The following SCAPER variants were observed in gnomAD, a reference collection of about 807,000 sequenced individuals.
SCAPER encodes the protein S phase cyclin A-associated protein in the endoplasmic reticulum.
SCAPER carries 98 observed loss-of-function variants against 182.2 expected under a neutral mutation model. That is an observed-to-expected ratio of 0.54 (90% CI 0.46 to 0.64). SCAPER has a LOEUF of 0.64. SCAPER is among the 30% of genes least tolerant of loss of function. The pLI is 0.00. For synonymous variants in SCAPER, 605 were observed against 564.6 expected, an observed-to-expected ratio of 1.07 and a Z score of -1.01; for missense variants, 1,432 against 1,690.0, an observed-to-expected ratio of 0.85 and a Z score of 2.68.
chr15:76,505,448 A>G (rs1320089274), intron 23 of SCAPER, among the ~76,000 whole-genome samples: 1 of 152,232 alleles, frequency 6.6e-6, no homozygotes, highest in African/African-American at 2.4e-5. Flanking sequence ...CTGAATAGAC[A>G]TTTCTCAAGA....
chr15:76,823,511 AAAAT>A (rs1179232381), intron 5 of SCAPER, among the ~76,000 whole-genome samples: 4 of 151,098 alleles, frequency 2.6e-5, no homozygotes, highest in Non-Finnish European at 5.9e-5. Context: ...ACAATAAATA[AAAAT>A]AAAATTAAAT....
chr15:76,470,577 A>G (rs1036974113), intron 25 of SCAPER, among the ~76,000 whole-genome samples: 37 of 152,148 alleles, frequency 2.4e-4, no homozygotes, highest in African/African-American at 8.4e-4. Context: ...TTGTGCCAAT[A>G]CCTCAGGGGC....
intron 5 of SCAPER, among the ~76,000 whole-genome samples, chr15:76,805,454 A>G (rs1029282362): frequency 6.6e-6 from 1 of 151,922 alleles, no homozygotes; most frequent in African/African-American, 2.4e-5. Context: ...TATCCTAGTC[A>G]TCCTAAATGA....
intron 22 of SCAPER, among the ~76,000 whole-genome samples, chr15:76,589,573 G>A (rs2048951642): frequency 6.6e-6 from 1 of 152,086 alleles, no homozygotes; most frequent in Admixed American, 6.5e-5. Flanking sequence ...CCAGGCAGTG[G>A]GCAAGCTCAG....
At chr15:76,836,567 A>T (rs1005810780) in intron 5 of SCAPER, among the ~76,000 whole-genome samples, 3 of 152,138 alleles carry the variant, frequency 2.0e-5, no homozygotes, top group African/African-American at 7.2e-5. Context: ...AATCAACTCA[A>T]AATGGATTTA....
In SCAPER at chr15:76,460,971, T is replaced by C. The variant is rs1173302536; in HGVS notation, c.3078+10241A>G. On this transcript the variant is annotated intron_variant, in intron 25 of 31. Coordinates refer to ENST00000563290, the MANE Select transcript of SCAPER (RefSeq NM_020843.4). ...ACAGACCTTATAAGAGTTTTGCCAGTTTCCCCACTAACATTCTTTTTTGCA... is the reference window on the plus strand; with the variant it reads ...ACAGACCTTATAAGAGTTTTGCCAGCTTCCCCACTAACATTCTTTTTTGCA... 3.9e-5 allele frequency among the ~76,000 whole-genome samples: 6 copies of C among 152,248 alleles called. No homozygotes were observed. In the South Asian group the frequency reaches 8.3e-4, roughly 21 times the overall value.
intron 22 of SCAPER, among the ~76,000 whole-genome samples, chr15:76,602,865 C>CAA (rs1168407937): frequency 8.7e-6 from 1 of 114,426 alleles, no homozygotes; most frequent in African/African-American, 2.6e-5. Context: ...ATCAGCCTAT[C>CAA]AATAGCACTG....
At chr15:76,772,093 C>G (rs1385943268) in intron 9 of SCAPER, 139 bp from the exon 10 acceptor site, 1 of 651,856 alleles carries the variant, frequency 1.5e-6, no homozygotes, top group East Asian at 2.8e-5. Flanking sequence ...ATTTACTCAT[C>G]TTTTTTGTAT....
intron 25 of SCAPER, among the ~76,000 whole-genome samples, chr15:76,437,455 C>T (rs781313180): frequency 1.3e-5 from 2 of 152,118 alleles, no homozygotes; most frequent in African/African-American, 2.4e-5. Flanking sequence ...TAAGGCCTCT[C>T]GACAGAGAGA....
chr15:76,464,851 A>G (rs1273365977), intron 25 of SCAPER, among the ~76,000 whole-genome samples: 2 of 152,138 alleles, frequency 1.3e-5, no homozygotes, highest in Non-Finnish European at 2.9e-5. Context: ...GCCTGCACCA[A>G]AAGTGCACAA....
At chr15:76,666,219 C>T (rs2056565501) in intron 20 of SCAPER, among the ~76,000 whole-genome samples, 1 of 152,112 alleles carries the variant, frequency 6.6e-6, no homozygotes, top group Non-Finnish European at 1.5e-5. Flanking sequence ...TATCTGCTAT[C>T]CCTTGAAGAA....
At chr15:76,624,116 C>A (rs1304851390) in intron 21 of SCAPER, among the ~76,000 whole-genome samples, 1 of 152,202 alleles carries the variant, frequency 6.6e-6, no homozygotes, top group Non-Finnish European at 1.5e-5. Flanking sequence ...TCTCTCTTCA[C>A]TGACAATATG....
chr15:76,457,824 T>A (rs949675466), intron 25 of SCAPER, among the ~76,000 whole-genome samples: 5 of 152,198 alleles, frequency 3.3e-5, no homozygotes, highest in Admixed American at 6.5e-5. Flanking sequence ...ATGTATTTTT[T>A]AAAATTTTAA....
At chr15:76,467,624 A>C (rs1314154647) in intron 25 of SCAPER, among the ~76,000 whole-genome samples, 1 of 152,118 alleles carries the variant, frequency 6.6e-6, no homozygotes, top group Non-Finnish European at 1.5e-5. Flanking sequence ...TTCATTCATC[A>C]AATACTGAAC....
chr15:76,729,755 T>C (rs962400836), intron 16 of SCAPER, among the ~76,000 whole-genome samples: 3 of 152,158 alleles, frequency 2.0e-5, no homozygotes, highest in South Asian at 2.1e-4. Flanking sequence ...GCACTTACCA[T>C]AGGGCCTGGC....
chr15:76,389,388 C>G (rs2043502381), intron 27 of SCAPER, among the ~76,000 whole-genome samples: 1 of 150,758 alleles, frequency 6.6e-6, no homozygotes, highest in Non-Finnish European at 1.5e-5. Context: ...GTAATCCCAG[C>G]TACTAGGGAG....
At chr15:76,754,171 T>C (rs1005773087) in intron 14 of SCAPER, among the ~76,000 whole-genome samples, 1 of 152,116 alleles carries the variant, frequency 6.6e-6, no homozygotes, top group African/African-American at 2.4e-5. Context: ...TTTTAGCCTA[T>C]GTCTCAGTTT....
rs202060255 is a variant in SCAPER, at chr15:76,673,283, ATACT to A, written c.2509-7498_2509-7495del. Among the ~76,000 whole-genome samples the A allele has an allele frequency of 4.1e-4, 63 of 152,244 alleles. 2 individuals carry two copies. In the East Asian group the frequency reaches 0.012, roughly 29 times the overall value. On this transcript the variant is annotated intron_variant, in intron 20 of 31. Transcript: ENST00000563290. ...AGGACTACTGGTGAACACTGCATAC[ATACT>A]TACAGAACTGAGACTAAACTAGGGA...
chr15:76,435,541 C>T (rs2047145370), intron 25 of SCAPER, among the ~76,000 whole-genome samples: 1 of 152,166 alleles, frequency 6.6e-6, no homozygotes, highest in African/African-American at 2.4e-5. Flanking sequence ...ACTGGTAGCT[C>T]TCTAGGCCTA....
Sources: allele counts gnomAD v4.1 joint callset (sites outside exome capture counted in the v4.1 genomes callset), GRCh38; gene constraint gnomAD v4.1.1; transcripts MANE v1.5; gene names NCBI Gene and HGNC (gene_info 2026-07-23, HGNC 2026-07-21).